Variants in C16orf87 observed in about 807,000 individuals in gnomAD.
C16orf87 encodes HDAC and MIER1 interacting protein 1.
Under a neutral mutation model 21.0 loss-of-function variants are expected in C16orf87, and 13 were observed. The observed-to-expected ratio is 0.62, with a 90% confidence interval of 0.40 to 0.98. The LOEUF is 0.98. Among genes scored for constraint, C16orf87 ranks in the 50% least tolerant of loss-of-function variants. The pLI is 0.00. For synonymous variants in C16orf87, 49 were observed against 60.2 expected (o/e 0.81, Z 0.86); for missense variants, 113 against 180.4 (o/e 0.63, Z 2.14).
At chr16:46,805,666 C>A (rs145650106) in intron 3 of C16orf87, among the ~76,000 whole-genome samples, 1 of 152,192 alleles carries the variant, frequency 6.6e-6, no homozygotes, top group African/African-American at 2.4e-5. Context: ...GCAATATGCT[C>A]ATATTTAGGA....
chr16:46,805,949 C>G (rs1487030125), intron 3 of C16orf87, among the ~76,000 whole-genome samples: 4 of 152,206 alleles, frequency 2.6e-5, no homozygotes, highest in Admixed American at 2.6e-4. Flanking sequence ...AACATGGTAT[C>G]CTGGCCGTCA....
intron 2 of C16orf87, among the ~76,000 whole-genome samples, chr16:46,820,721 A>C (rs1959383891): frequency 6.6e-6 from 1 of 152,178 alleles, no homozygotes; most frequent in African/African-American, 2.4e-5. Flanking sequence ...CCTACTGATT[A>C]AGAGCTCTGC....
chr16:46,815,197 A>C (rs1968204772), intron 2 of C16orf87, among the ~76,000 whole-genome samples: 1 of 152,214 alleles, frequency 6.6e-6, no homozygotes, highest in South Asian at 2.1e-4. Context: ...TAGCCAAAAA[A>C]TGAAGTTAGA....
At chr16:46,816,378 G>T (rs1450395701) in intron 2 of C16orf87, among the ~76,000 whole-genome samples, 1 of 152,050 alleles carries the variant, frequency 6.6e-6, no homozygotes, top group East Asian at 1.9e-4. Flanking sequence ...GGTTAAAATA[G>T]AATATTTTGT....
At chr16:46,816,376 T>C (rs140900283) in intron 2 of C16orf87, among the ~76,000 whole-genome samples, 11 of 152,318 alleles carry the variant, frequency 7.2e-5, no homozygotes, top group East Asian at 1.9e-4. Context: ...ATGGTTAAAA[T>C]AGAATATTTT....
At chr16:46,820,327 T>C (rs1482384906) in intron 2 of C16orf87, among the ~76,000 whole-genome samples, 4 of 152,244 alleles carry the variant, frequency 2.6e-5, no homozygotes, top group African/African-American at 4.8e-5. Context: ...TGTTTACTTA[T>C]GCAAACAAGT....
Position 46,802,004 on chromosome 16 carries a change from T to C in C16orf87, c.*948A>G, listed in dbSNP as rs1156492302. The C allele has an allele frequency of 6.6e-6, 1 of 152,190 alleles. No homozygotes were observed. The highest frequency in any genetic ancestry group is 1.5e-5 in the Non-Finnish European group (1 of 68,030). The allele number at this position is 152,190 out of a possible 1,614,324, so 9.4% of individuals were successfully genotyped here. Reference sequence around the variant, plus strand: ...AGAATTTAAATATATTTCACAAACTTCACCAGAACAAAAAACTTTTATCAC... The same window carrying C: ...AGAATTTAAATATATTTCACAAACTCCACCAGAACAAAAAACTTTTATCAC... On this transcript the variant is annotated 3_prime_UTR_variant, in exon 4 of 4. Coordinates refer to ENST00000285697, the MANE Select transcript of C16orf87 (RefSeq NM_001001436.4).
chr16:46,820,997 A>G (rs1227087115), intron 2 of C16orf87, among the ~76,000 whole-genome samples: 1 of 152,234 alleles, frequency 6.6e-6, no homozygotes, highest in African/African-American at 2.4e-5. Flanking sequence ...TTAATTCTCC[A>G]CTACTTTCCT....
intron 1 of C16orf87, among the ~76,000 whole-genome samples, chr16:46,825,148 CT>C (rs2143162925): frequency 6.6e-6 from 1 of 152,226 alleles, no homozygotes; most frequent in East Asian, 1.9e-4. Context: ...AGTTTGACAG[CT>C]TTTTACGGTA....
rs1377209631 is a variant in C16orf87 at position 46,802,576 on chromosome 16, T to G, written c.*376A>C. The G allele has an allele frequency of 6.3e-6, 1 of 157,882 alleles. No homozygotes were observed. Among genetic ancestry groups the G allele is most frequent in the Admixed American group, 6.4e-5 (1 of 15,520 alleles). 9.8% of individuals were successfully genotyped at this position (157,882 alleles called of 1,614,324 possible). On this transcript the variant is annotated 3_prime_UTR_variant, in exon 4 of 4. Transcript: ENST00000285697. ...TTCTGACAGTATTTAAAATATTGCA[T>G]CTCTGGTGGCAAACCTGAAAACAAT...
intron 2 of C16orf87, among the ~76,000 whole-genome samples, chr16:46,823,549 C>T (rs8045353): frequency 0.17 from 26,587 of 151,972 alleles, 2,891 homozygotes; most frequent in African/African-American, 0.3. Context: ...ATTTGGATAT[C>T]CTCAGTCAGG....
intron 1 of C16orf87, among the ~76,000 whole-genome samples, chr16:46,826,974 A>AT (rs1372727541): frequency 6.6e-6 from 1 of 152,230 alleles, no homozygotes; most frequent in Non-Finnish European, 1.5e-5. Context: ...AAAGAACTTC[A>AT]TATCAATCCA....
rs539344495 is a variant in C16orf87 at position 46,821,871 on chromosome 16, C to T, written c.163+2515G>A. Among the ~76,000 whole-genome samples the T allele has an allele frequency of 5.3e-5, 8 of 152,334 alleles. No homozygotes were observed. In the East Asian group the frequency reaches 1.3e-3, roughly 26 times the overall value. ...TGTCCAACTGAAAAAAAAATCTACA[C>T]GGATGATGTTTCTATACCCAAAATT... is the stretch of plus-strand genomic sequence containing the variant. On this transcript the variant is annotated intron_variant, in intron 2 of 3. Coordinates refer to ENST00000285697, the MANE Select transcript of C16orf87 (RefSeq NM_001001436.4).
intron 3 of C16orf87, among the ~76,000 whole-genome samples, chr16:46,808,874 A>G (rs1157641672): frequency 6.6e-6 from 1 of 152,122 alleles, no homozygotes; most frequent in Admixed American, 6.6e-5. Flanking sequence ...ATCTATGCAA[A>G]AGCTGCCTCA....
chr16:46,824,710 G>C (rs997494532), intron 1 of C16orf87, among the ~76,000 whole-genome samples: 1 of 140,210 alleles, frequency 7.1e-6, no homozygotes, highest in Non-Finnish European at 1.5e-5. Flanking sequence ...CTGTCACCCA[G>C]GCTGGAGTGC....
rs1164267736 is a variant in C16orf87 at position 46,816,233 on chromosome 16, A to T, written c.164-6448T>A. The stretch of plus-strand genomic sequence containing the variant: ...ATGGTGGTTGCCTGGGGTATGGGGG[A>T]GAAGGAAGTGGCTGTCATTGTTTAA... On this transcript the variant is annotated intron_variant, in intron 2 of 3. Transcript: ENST00000285697. Among the ~76,000 whole-genome samples the T allele has an allele frequency of 2.0e-5, 3 of 152,294 alleles. No homozygotes were observed. In the East Asian group the frequency reaches 5.8e-4, roughly 29 times the overall value.
intron 3 of C16orf87, among the ~76,000 whole-genome samples, chr16:46,804,363 T>C (rs1203079091): frequency 6.6e-6 from 1 of 152,212 alleles, no homozygotes; most frequent in Non-Finnish European, 1.5e-5. Flanking sequence ...AGATCCTTTC[T>C]TGGTTTATTT....
chr16:46,824,448 TA>T lies in C16orf87; in HGVS notation c.100del (p.Tyr34ThrfsTer9). 6.3e-7 allele frequency: 1 copy of T among 1,580,756 alleles called. No homozygotes were observed. The highest frequency in any genetic ancestry group is 8.6e-7 in the Non-Finnish European group (1 of 1,157,198). On this transcript the variant is annotated frameshift_variant, in exon 2 of 4. Coordinates refer to ENST00000285697, the MANE Select transcript of C16orf87 (RefSeq NM_001001436.4). LOFTEE classifies it high-confidence loss of function. ...TAAAAGTTTTCTGCTAATAAATATG[TA>T]ACCACAAGGACATGATTTACATGCA... ...PVACKSCPCG[Y>X]IFISRKLLNA...
At chr16:46,806,812 T>TC (rs1398466298) in intron 3 of C16orf87, among the ~76,000 whole-genome samples, 1 of 152,188 alleles carries the variant, frequency 6.6e-6, no homozygotes, top group Non-Finnish European at 1.5e-5. Flanking sequence ...AAGTCATTTT[T>TC]CCCCCTTTGG....
Sources: allele counts gnomAD v4.1 joint callset (sites outside exome capture counted in the v4.1 genomes callset), GRCh38; gene constraint gnomAD v4.1.1; transcripts MANE v1.5; gene names NCBI Gene and HGNC (gene_info 2026-07-23, HGNC 2026-07-21).